The following TRIM51G variants were observed in gnomAD, a reference collection of about 807,000 sequenced individuals.
TRIM51G encodes the protein tripartite motif-containing 51G.
At chr11:48,976,857 T>G in the TRIM51G span, among the ~76,000 whole-genome samples, 1 of 152,176 alleles carries the variant, frequency 6.6e-6, no homozygotes, top group Non-Finnish European at 1.5e-5. Context: ...ACCCAATATA[T>G]AACTCTATAC....
At chr11:48,977,431 T>C in the TRIM51G span, among the ~76,000 whole-genome samples, 28 of 152,304 alleles carry the variant, frequency 1.8e-4, no homozygotes, top group East Asian at 1.9e-3. Context: ...TAAGGATCAT[T>C]AGTCTTAAGA....
At chr11:48,977,981 C>A in the TRIM51G span, among the ~76,000 whole-genome samples, 1 of 151,414 alleles carries the variant, frequency 6.6e-6, no homozygotes, top group African/African-American at 2.4e-5. Context: ...CTGAGTATGG[C>A]AACAAAATAG....
At chr11:48,983,863 C>T in the TRIM51G span, among the ~76,000 whole-genome samples, 3 of 152,026 alleles carry the variant, frequency 2.0e-5, no homozygotes, top group African/African-American at 4.8e-5. Context: ...ATGCAGTTAA[C>T]TCTAAGTGCT....
At chr11:48,983,682 T>C in the TRIM51G span, among the ~76,000 whole-genome samples, 1 of 151,858 alleles carries the variant, frequency 6.6e-6, no homozygotes, top group Non-Finnish European at 1.5e-5. Flanking sequence ...TTTATCACTG[T>C]AATTTACTCT....
the TRIM51G span, among the ~76,000 whole-genome samples, chr11:48,982,484 G>A: frequency 0.038 from 5,763 of 151,634 alleles, 180 homozygotes; most frequent in Middle Eastern, 0.099. Flanking sequence ...TTTGCAGAGA[G>A]ACATGTAAGT....
the TRIM51G span, among the ~76,000 whole-genome samples, chr11:48,982,445 C>A: frequency 6.6e-6 from 1 of 151,986 alleles, no homozygotes; most frequent in African/African-American, 2.4e-5. Flanking sequence ...ATTGGTATAG[C>A]ATTATTTCTG....
the TRIM51G span, among the ~76,000 whole-genome samples, chr11:48,983,245 C>T: frequency 4.4e-5 from 6 of 136,408 alleles, no homozygotes; most frequent in South Asian, 2.7e-4. Context: ...TCAAATCATT[C>T]CTTATACAGT....
the TRIM51G span, chr11:48,975,900 G>T: frequency 1.3e-6 from 1 of 798,236 alleles, no homozygotes; most frequent in South Asian, 1.3e-5. Flanking sequence ...CAGTGATATT[G>T]GGATCATGTT....
At chr11:48,975,735 C>T in the TRIM51G span, 3 of 1,567,164 alleles carry the variant, frequency 1.9e-6, no homozygotes, top group Admixed American at 1.7e-5. Context: ...AGAGTCCCAC[C>T]TCTCCATCTA....
At chr11:48,983,647 A>C in the TRIM51G span, among the ~76,000 whole-genome samples, 1 of 151,712 alleles carries the variant, frequency 6.6e-6, no homozygotes, top group African/African-American at 2.4e-5. Flanking sequence ...TAAGATCATT[A>C]AGTAAGTTTA....
At chr11:48,978,072 A>G in the TRIM51G span, 1 of 482,658 alleles carries the variant, frequency 2.1e-6, no homozygotes, top group Non-Finnish European at 4.3e-6. Context: ...TACCTTCAAT[A>G]TCAAAGTTCC....
At chr11:48,977,700 A>T in the TRIM51G span, among the ~76,000 whole-genome samples, 2 of 152,148 alleles carry the variant, frequency 1.3e-5, no homozygotes, top group African/African-American at 4.8e-5. Flanking sequence ...TATAAACTAG[A>T]AATCATCAAC....
the TRIM51G span, among the ~76,000 whole-genome samples, chr11:48,979,433 T>A: frequency 6.6e-6 from 1 of 152,170 alleles, no homozygotes; most frequent in Non-Finnish European, 1.5e-5. Context: ...AAACCATTAT[T>A]TCTATTTTGG....
chr11:48,978,137 C>T, the TRIM51G span: 13 of 526,182 alleles, frequency 2.5e-5, 1 homozygote, highest in South Asian at 1.7e-4. Context: ...TATGTACTCA[C>T]CTTTGTAATA....
the TRIM51G span, among the ~76,000 whole-genome samples, chr11:48,980,177 CT>C: frequency 2.0e-5 from 3 of 151,968 alleles, no homozygotes; most frequent in Non-Finnish European, 1.5e-5. Flanking sequence ...TTGACCTAGA[CT>C]AGGTACTCAC....
chr11:48,976,404 C>G, the TRIM51G span, among the ~76,000 whole-genome samples: 4 of 152,090 alleles, frequency 2.6e-5, no homozygotes, highest in African/African-American at 9.7e-5. Flanking sequence ...TACTCAAGCA[C>G]TGCTCTAGAT....
At chr11:48,981,155 A>G in the TRIM51G span, 1 of 1,393,012 alleles carries the variant, frequency 7.2e-7, no homozygotes. Context: ...GAGAGGTGTG[A>G]AGTCAAGGAA....
chr11:48,980,711 C>T, the TRIM51G span, among the ~76,000 whole-genome samples: 10 of 152,136 alleles, frequency 6.6e-5, no homozygotes, highest in Non-Finnish European at 1.3e-4. Flanking sequence ...TGGGTAACAT[C>T]TGTGGTCTGA....
chr11:48,979,526 C>A, the TRIM51G span, among the ~76,000 whole-genome samples: 2 of 152,088 alleles, frequency 1.3e-5, no homozygotes, highest in African/African-American at 4.8e-5. Flanking sequence ...CAATGCATTT[C>A]ACCCAGCATA....
Sources: allele counts gnomAD v4.1 joint callset (sites outside exome capture counted in the v4.1 genomes callset), GRCh38; gene constraint gnomAD v4.1.1; transcripts MANE v1.5; gene names NCBI Gene and HGNC (gene_info 2026-07-23, HGNC 2026-07-21).